The following SF3B1 variants were observed in gnomAD, a reference collection of about 807,000 sequenced individuals.
SF3B1 encodes splicing factor 3b subunit 1.
Under a neutral mutation model 153.8 loss-of-function variants are expected in SF3B1, and 12 were observed. That is an observed-to-expected ratio of 0.08 (90% CI 0.05 to 0.13). SF3B1 has a LOEUF of 0.13. SF3B1 is among the 10% of genes least tolerant of loss of function. SF3B1 has a pLI of 1.00. For missense variants in SF3B1, 513 were observed against 1,606.1 expected (o/e 0.32, Z 11.63); for synonymous variants, 498 against 525.2 (o/e 0.95, Z 0.71).
In SF3B1 at chr2:197,401,568, A is replaced by G. The variant is rs1252232188; in HGVS notation, c.2371-43T>C. On this transcript the variant is annotated intron_variant, in intron 16 of 24. Transcript: ENST00000335508. This position sits in a 1 kb window ranked among gnomAD's most constrained non-coding sequence, Gnocchi z 4.2. ...AGTAATAATAAATCAACTGACCTGA[A>G]ATGAAGAGAATACTCATTGCTGATT... 6 of 1,569,210 alleles carry G rather than the reference A, an allele frequency of 3.8e-6. No individual in the cohort carries two copies. Among genetic ancestry groups the G allele is most frequent in the African/African-American group, 1.4e-5 (1 of 73,464 alleles).
intron 1 of SF3B1, among the ~76,000 whole-genome samples, chr2:197,425,817 T>C (rs2085326700): frequency 1.3e-5 from 2 of 151,878 alleles, no homozygotes; most frequent in Non-Finnish European, 2.9e-5. Flanking sequence ...CTGGGCGACA[T>C]GGCAAAACCC....
chr2:197,432,440 G>T (rs188463100), intron 1 of SF3B1, among the ~76,000 whole-genome samples: 1 of 152,244 alleles, frequency 6.6e-6, no homozygotes, highest in Non-Finnish European at 1.5e-5. Context: ...TACGTGGAAA[G>T]ATCTAAAAGA....
chr2:197,400,546 T>G lies in SF3B1; in HGVS notation c.2719-112A>C. 1 of 1,096,976 alleles carries G rather than the reference T, an allele frequency of 9.1e-7. No individual in the cohort carries two copies. Among genetic ancestry groups the G allele is most frequent in the Non-Finnish European group, 1.3e-6 (1 of 771,380 alleles). The allele number at this position is 1,096,976 out of a possible 1,614,324, so 68.0% of individuals were successfully genotyped here. On this transcript the variant is annotated intron_variant, in intron 18 of 24. Transcript: ENST00000335508. This position sits in a 1 kb window ranked among gnomAD's most constrained non-coding sequence, Gnocchi z 5.0. ...ACCCAAACATCTGTTGCTGTTTTTT[T>G]ACATCAAATCTTAAAACTTGAGGTA...
At position 197,402,915 on chromosome 2, in the gene SF3B1, T is replaced by C. The variant is rs200174401; in HGVS notation, c.1806+34A>G. 8 of 1,607,878 alleles carry C rather than the reference T, an allele frequency of 5.0e-6. No homozygotes were observed. The highest frequency in any genetic ancestry group is 2.2e-5 in the East Asian group (1 of 44,840). ...CCATAATCAATTCCATAAACAGATA[T>C]AAATTTTCTTCTCTAGAAATTAAAT... On this transcript the variant is annotated intron_variant, in intron 13 of 24. Transcript: ENST00000335508. The surrounding 1 kb of genome is among the most constrained non-coding windows in gnomAD (Gnocchi z 4.6).
At chr2:197,430,524 G>A (rs1036523324) in intron 1 of SF3B1, among the ~76,000 whole-genome samples, 4 of 151,926 alleles carry the variant, frequency 2.6e-5, no homozygotes, top group Non-Finnish European at 5.9e-5. Flanking sequence ...GCACGATCTC[G>A]GCTCACTGCA....
At chr2:197,398,621 G>A (rs929049433) in intron 20 of SF3B1, 40 bp from the exon 21 acceptor site, 10 of 1,591,378 alleles carry the variant, frequency 6.3e-6, no homozygotes, top group Non-Finnish European at 7.7e-6. Flanking sequence ...CATTTGAATT[G>A]CAACTTTTGT....
chr2:197,428,018 A>AAATTAAGT (rs2085362364), intron 1 of SF3B1, among the ~76,000 whole-genome samples: 1 of 151,364 alleles, frequency 6.6e-6, no homozygotes. Flanking sequence ...ACTCCGTCTC[A>AAATTAAGT]AATTAATTAA....
chr2:197,407,375 G>C (rs1012083028), intron 9 of SF3B1, among the ~76,000 whole-genome samples: 1 of 152,092 alleles, frequency 6.6e-6, no homozygotes, highest in Non-Finnish European at 1.5e-5. Context: ...GAGGCTGAGA[G>C]GGACGGATCA....
chr2:197,406,665 C>T (rs2084997227), intron 9 of SF3B1, among the ~76,000 whole-genome samples: 1 of 152,202 alleles, frequency 6.6e-6, no homozygotes, highest in African/African-American at 2.4e-5. Flanking sequence ...AGGCAGTCAA[C>T]AGTAAGTTCT....
At chr2:197,421,813 A>G (rs549085036) in intron 2 of SF3B1, among the ~76,000 whole-genome samples, 1 of 152,190 alleles carries the variant, frequency 6.6e-6, no homozygotes, top group African/African-American at 2.4e-5. Context: ...CTCTGTCTCT[A>G]CCAAAAAAAA....
chr2:197,416,858 G>A lies in SF3B1; in HGVS notation c.549C>T (p.Val183=), dbSNP rs200266080. The change falls in exon 6 of 25, where the codon GTC becomes GTT. Residue 183 remains valine (V), a synonymous_variant. Coordinates refer to ENST00000335508, the MANE Select transcript of SF3B1 (RefSeq NM_012433.4). ...AEKAKAGELK[V]VNGAAASQPP... is the part of the protein sequence containing the mutation. ...GCTGGGACGCTGCTGCTCCATTGAC[G>A]ACTTTTAGTTCTCCAGCTTTAGCTT... The A allele has an allele frequency of 2.9e-4, 467 of 1,613,730 alleles. 1 individual carries two copies. Among genetic ancestry groups the A allele is most frequent in the Non-Finnish European group, 3.4e-4 (402 of 1,179,890 alleles).
chr2:197,416,120 CA>C lies in SF3B1; in HGVS notation c.666+620del, dbSNP rs1293081010. On this transcript the variant is annotated intron_variant, in intron 6 of 24. Coordinates refer to ENST00000335508, the MANE Select transcript of SF3B1 (RefSeq NM_012433.4). ...GGCATGAGCCAATGCATTCAGCCTC[CA>C]AAACAAATGTTTAAAAAAAAAAAAA... 3.3e-5 allele frequency among the ~76,000 whole-genome samples: 5 copies of C among 150,074 alleles called. No individual in the cohort carries two copies. In the East Asian group the frequency reaches 9.8e-4, roughly 29 times the overall value.
rs2084805229 is a variant in SF3B1, at chr2:197,391,025, A to G, written c.*1278T>C. The G allele has an allele frequency of 6.6e-6, 1 of 152,238 alleles. No homozygotes were observed. Among genetic ancestry groups the G allele is most frequent in the Non-Finnish European group, 1.5e-5 (1 of 68,034 alleles). 9.4% of individuals were successfully genotyped at this position (152,238 alleles called of 1,614,324 possible). On this transcript the variant is annotated 3_prime_UTR_variant, in exon 25 of 25. Transcript: ENST00000335508. ...AATTTTTTTTCCCTTTAGAGTTCAC[A>G]GAAGTACTACCACATGGAGACAAAA... is the stretch of plus-strand genomic sequence containing the variant.
chr2:197,421,265 C>T (rs946083703), intron 2 of SF3B1, 132 bp from the exon 3 acceptor site: 3 of 560,812 alleles, frequency 5.3e-6, no homozygotes, highest in Non-Finnish European at 9.6e-6. Context: ...CTTCATAAAA[C>T]TTAGAAACAC....
At chr2:197,424,851 C>G (rs11683572) in intron 1 of SF3B1, among the ~76,000 whole-genome samples, 21,169 of 152,286 alleles carry the variant, frequency 0.14, 1,843 homozygotes, top group Middle Eastern at 0.27. Flanking sequence ...CCTTTGACAC[C>G]AGGCACTTTT....
rs545200222 is a variant in SF3B1, at chr2:197,400,582, G to T, written c.2718+133C>A. ...TTAAAACTTGAGGTAGAATAATATC[G>T]TTTGGTAACCCCCTGAGCATTTTAA... On this transcript the variant is annotated intron_variant, in intron 18 of 24. Transcript: ENST00000335508. This position sits in a 1 kb window ranked among gnomAD's most constrained non-coding sequence, Gnocchi z 5.0. The T allele has an allele frequency of 2.0e-6, 2 of 996,696 alleles. No individual in the cohort carries two copies. The highest frequency in any genetic ancestry group is 5.6e-5 in the Admixed American group (2 of 35,902). The allele number at this position is 996,696 out of a possible 1,614,324, so 61.7% of individuals were successfully genotyped here. A position where few individuals can be genotyped will look rare whatever the true frequency, so the allele number is the denominator to read the frequency against.
chr2:197,395,645 T>C (rs937222458), intron 23 of SF3B1, among the ~76,000 whole-genome samples: 5 of 152,154 alleles, frequency 3.3e-5, no homozygotes, highest in Non-Finnish European at 7.4e-5. Context: ...TGGCAGGCTA[T>C]TGTTCAGTAA....
Position 197,405,150 on chromosome 2 carries a change from G to A in SF3B1, c.1465C>T (p.Pro489Ser). Reference sequence around the variant, plus strand: ...ATTTTTCTCTCTTTTTGCTCTTCTGGACTAAGTGTTGATTCATCAACATCA... The same window carrying A: ...ATTTTTCTCTCTTTTTGCTCTTCTGAACTAAGTGTTGATTCATCAACATCA... ...LVDVDESTLSPEEQKERKIMK... is the reference protein window; with the variant it reads ...LVDVDESTLSSEEQKERKIMK... The change falls in exon 11 of 25, where the codon CCA becomes TCA. Residue 489 changes from proline to serine, a missense_variant. Around this residue, in one of 21 missense-constraint regions of SF3B1, gnomAD observed 34 missense variants for 190.8 expected, o/e 0.18. Transcript: ENST00000335508. 1 of 1,611,576 alleles carries A rather than the reference G, an allele frequency of 6.2e-7. No individual in the cohort carries two copies. Among genetic ancestry groups the A allele is most frequent in the Non-Finnish European group, 8.5e-7 (1 of 1,178,820 alleles).
At position 197,401,141 on chromosome 2, in the gene SF3B1, CTG is replaced by C. The variant is rs2084933621; in HGVS notation, c.2497-207_2497-206del. 6.6e-6 allele frequency among the ~76,000 whole-genome samples: 1 copy of C among 152,136 alleles called. No homozygotes were observed. Among genetic ancestry groups the C allele is most frequent in the Non-Finnish European group, 1.5e-5 (1 of 68,024 alleles). ...TAAGTTAACATGATTCAAGGTAAAACTGTGTCCATGTTTCATCTAGCCAGATA... is the reference window on the plus strand; with the variant it reads ...TAAGTTAACATGATTCAAGGTAAAACTGTCCATGTTTCATCTAGCCAGATA... On this transcript the variant is annotated intron_variant, in intron 17 of 24. Coordinates refer to ENST00000335508, the MANE Select transcript of SF3B1 (RefSeq NM_012433.4). The surrounding 1 kb of genome is among the most constrained non-coding windows in gnomAD (Gnocchi z 4.2).
Sources: allele counts gnomAD v4.1 joint callset (sites outside exome capture counted in the v4.1 genomes callset), GRCh38; gene constraint gnomAD v4.1.1; regional missense constraint gnomAD v4.1.1; non-coding constraint Gnocchi (gnomAD v3.1); transcripts MANE v1.5; gene names NCBI Gene and HGNC (gene_info 2026-07-23, HGNC 2026-07-21).